Variants in NFATC3 observed in about 807,000 individuals in gnomAD.
NFATC3 encodes the protein nuclear factor of activated T cells 3.
NFATC3 carries 46 observed loss-of-function variants against 98.6 expected under a neutral mutation model. That is an observed-to-expected ratio of 0.47 (90% CI 0.37 to 0.60). The LOEUF (loss-of-function observed/expected upper bound fraction) is 0.60, where lower values mean the gene tolerates loss of function less well. Ranked by LOEUF, NFATC3 falls within the 20% of genes least tolerant of loss-of-function variation. The pLI, the probability that NFATC3 is intolerant of heterozygous loss-of-function variation, is 0.00. For missense variants in NFATC3, 1,256 were observed against 1,295.5 expected, an observed-to-expected ratio of 0.97 and a Z score of 0.47; for synonymous variants, 512 against 472.2, an observed-to-expected ratio of 1.08 and a Z score of -1.09.
At chr16:68,219,714 CAT>C (rs1197105850) in intron 9 of NFATC3, among the ~76,000 whole-genome samples, 1 of 152,178 alleles carries the variant, frequency 6.6e-6, no homozygotes, top group East Asian at 1.9e-4. Context: ...GAGGAAATAA[CAT>C]ATAAATGGAG....
intron 1 of NFATC3, among the ~76,000 whole-genome samples, chr16:68,088,482 G>GTATATAATATATAAATATATATTTA (rs1555512195): frequency 1.4e-5 from 2 of 144,034 alleles, no homozygotes. Flanking sequence ...TATATGTAGT[G>GTATATAATATATAAATATATATTTA]TATATAATAT....
At chr16:68,154,425 C>T (rs1371443990) in intron 3 of NFATC3, among the ~76,000 whole-genome samples, 2 of 152,142 alleles carry the variant, frequency 1.3e-5, no homozygotes, top group Non-Finnish European at 2.9e-5. Context: ...TTTCAGCACC[C>T]ATGATTTAAG....
chr16:68,136,597 G>C (rs2037425795), intron 3 of NFATC3, among the ~76,000 whole-genome samples: 1 of 152,116 alleles, frequency 6.6e-6, no homozygotes, highest in Non-Finnish European at 1.5e-5. Context: ...CTTTACAAAA[G>C]TTCTTTAAAA....
At chr16:68,218,823 C>T (rs866193077) in intron 9 of NFATC3, among the ~76,000 whole-genome samples, 18 of 151,592 alleles carry the variant, frequency 1.2e-4, no homozygotes, top group Middle Eastern at 3.4e-3. Flanking sequence ...CCGCCCGCCT[C>T]GGCCTCCCAA....
At chr16:68,106,204 A>G (rs1567499837) in intron 1 of NFATC3, among the ~76,000 whole-genome samples, 2 of 152,058 alleles carry the variant, frequency 1.3e-5, no homozygotes, top group Non-Finnish European at 2.9e-5. Context: ...TAGTATTCTT[A>G]CATATATTTT....
At chr16:68,150,444 T>G (rs1464313234) in intron 3 of NFATC3, among the ~76,000 whole-genome samples, 2 of 149,226 alleles carry the variant, frequency 1.3e-5, no homozygotes, top group Non-Finnish European at 3.0e-5. Flanking sequence ...AAGCTAGGTT[T>G]GGTGGCACAC....
At chr16:68,192,233 A>ATATATATATATATATATATATATGTATG (rs2040455167) in intron 9 of NFATC3, 1 of 92,178 alleles carries the variant, frequency 1.1e-5, no homozygotes, top group Admixed American at 1.3e-4. Context: ...AAAAAAAAAT[A>ATATATATATATATATATATATATGTATG]TATATATATA....
intron 1 of NFATC3, among the ~76,000 whole-genome samples, chr16:68,107,733 A>T (rs529725369): frequency 1.7e-4 from 26 of 150,352 alleles, no homozygotes; most frequent in Admixed American, 1.3e-3. Context: ...AAAAAAATAT[A>T]ATAATAATAA....
intron 3 of NFATC3, among the ~76,000 whole-genome samples, chr16:68,127,255 G>A (rs2036885687): frequency 6.6e-6 from 1 of 151,902 alleles, no homozygotes; most frequent in African/African-American, 2.4e-5. Context: ...AAATAGGAAG[G>A]ATAAGCAACA....
intron 3 of NFATC3, 69 bp downstream of exon 3, chr16:68,126,679 T>C: frequency 1.3e-6 from 2 of 1,521,506 alleles, no homozygotes; most frequent in South Asian, 2.4e-5. Flanking sequence ...GTCTATTCAG[T>C]TAGGTACTAG....
Position 68,101,633 on chromosome 16 carries a change from G to C in NFATC3, c.103+15849G>C, listed in dbSNP as rs527716455. On this transcript the variant is annotated intron_variant, in intron 1 of 9. Transcript: ENST00000346183. ...CAAGTAGCTGGGACTACAGGCGCCT[G>C]CCACCACGCCTGGCTAATTTTTTGT... 4.9e-3 allele frequency among the ~76,000 whole-genome samples: 744 copies of C among 152,030 alleles called. 3 individuals are homozygous for C. Among genetic ancestry groups the C allele is most frequent in the Non-Finnish European group, 7.8e-3 (531 of 67,972 alleles).
chr16:68,175,646 G>C (rs1413759289), intron 6 of NFATC3, among the ~76,000 whole-genome samples: 2 of 151,274 alleles, frequency 1.3e-5, no homozygotes, highest in African/African-American at 4.9e-5. Context: ...TGCAACCTCC[G>C]CCTCCTAGGT....
intron 7 of NFATC3, 38 bp downstream of exon 7, chr16:68,181,568 A>G (rs1567537040): frequency 7.2e-7 from 1 of 1,395,494 alleles, no homozygotes; most frequent in Non-Finnish European, 1.0e-6. Context: ...AATATTTAAG[A>G]CACTGAATAG....
At chr16:68,151,317 C>G (rs2038308077) in intron 3 of NFATC3, among the ~76,000 whole-genome samples, 3 of 152,140 alleles carry the variant, frequency 2.0e-5, no homozygotes. Flanking sequence ...CACTTAACAC[C>G]TGCACTATCA....
chr16:68,147,755 GAA>G (rs1191298518), intron 3 of NFATC3, among the ~76,000 whole-genome samples: 3,903 of 87,626 alleles, frequency 0.045, 156 homozygotes, highest in African/African-American at 0.13. Context: ...TCTGTGAACT[GAA>G]AAAAAAAAAA....
chr16:68,116,639 C>G (rs545277607), intron 1 of NFATC3, among the ~76,000 whole-genome samples: 1 of 152,280 alleles, frequency 6.6e-6, no homozygotes, highest in African/African-American at 2.4e-5. Flanking sequence ...GTGTGCAGGT[C>G]TCTGCAGCAC....
intron 1 of NFATC3, among the ~76,000 whole-genome samples, chr16:68,087,906 A>T (rs544637208): frequency 6.6e-6 from 1 of 152,274 alleles, no homozygotes; most frequent in Admixed American, 6.5e-5. Flanking sequence ...ATTGATGGAC[A>T]TTTGGGCTTT....
At chr16:68,221,328 G>A (rs1012787323) in intron 9 of NFATC3, 1 of 1,608,022 alleles carries the variant, frequency 6.2e-7, no homozygotes, top group African/African-American at 1.3e-5. Context: ...GGAGAAGTGA[G>A]GGAGAAGGAA....
intron 1 of NFATC3, among the ~76,000 whole-genome samples, chr16:68,092,301 C>G (rs747284386): frequency 3.3e-5 from 5 of 150,942 alleles, no homozygotes; most frequent in Non-Finnish European, 5.9e-5. Context: ...ACTAAAAATA[C>G]AAAAAATTAG....
Sources: allele counts gnomAD v4.1 joint callset (sites outside exome capture counted in the v4.1 genomes callset), GRCh38; gene constraint gnomAD v4.1.1; transcripts MANE v1.5; gene names NCBI Gene and HGNC (gene_info 2026-07-23, HGNC 2026-07-21).